Variants in KCNQ1OT1 observed in about 807,000 individuals in gnomAD.
KCNQ1OT1 encodes KCNQ1 opposite strand/antisense transcript 1, also known as KCNQ1 antisense RNA 2 (non-protein coding).
chr11:2,643,517 A>G (rs1038948339), exon 1 of KCNQ1OT1: 3 of 398,350 alleles, frequency 7.5e-6, no homozygotes, highest in African/African-American at 6.2e-5. Context: ...ATCTTTTCCC[A>G]TTCCTTTCTT....
At chr11:2,680,185 C>T (rs1300569515) in exon 1 of KCNQ1OT1, 1 of 395,260 alleles carries the variant, frequency 2.5e-6, no homozygotes, top group Admixed American at 4.5e-5. Flanking sequence ...AGCCAATGCA[C>T]CTGGCCTCAG....
exon 1 of KCNQ1OT1, chr11:2,655,081 T>C: frequency 2.5e-6 from 1 of 398,662 alleles, no homozygotes; most frequent in Non-Finnish European, 4.4e-6. Context: ...TCTGTGCCTG[T>C]ATTTTTAAAA....
chr11:2,657,235 C>T lies in KCNQ1OT1; in HGVS notation n.42760G>A, dbSNP rs1462563887. 2.5e-6 allele frequency: 1 copy of T among 398,520 alleles called. No individual in the cohort carries two copies. Among genetic ancestry groups the T allele is most frequent in the Non-Finnish European group, 4.4e-6 (1 of 226,078 alleles). The allele number at this position is 398,520 out of a possible 1,614,324, so 24.7% of individuals were successfully genotyped here. Reference sequence around the variant, plus strand: ...ACTTCCAAGTCGCAGTTAGAATCAGCTTGCCAAAGTTCTCACACAGAAGCC... The same window carrying T: ...ACTTCCAAGTCGCAGTTAGAATCAGTTTGCCAAAGTTCTCACACAGAAGCC... On this transcript the variant is annotated non_coding_transcript_exon_variant, in exon 1 of 1. Coordinates refer to ENST00000597346, the Ensembl canonical transcript of KCNQ1OT1. The surrounding 1 kb of genome is among the most constrained non-coding windows in gnomAD (Gnocchi z 4.8).
At position 2,687,754 on chromosome 11, in the gene KCNQ1OT1, AGAG is replaced by A. The variant is rs1454359613; in HGVS notation, n.12238_12240del. The A allele has an allele frequency of 5.0e-6, 2 of 398,558 alleles. No individual in the cohort carries two copies. The highest frequency in any genetic ancestry group is 2.1e-5 in the African/African-American group (1 of 48,638). The allele number at this position is 398,558 out of a possible 1,614,324, so 24.7% of individuals were successfully genotyped here. ...CCAGCAAATCATGGGGAGACTGAGA[AGAG>A]GAGCCCCTTAGCAGGCCTAACCACA... On this transcript the variant is annotated non_coding_transcript_exon_variant, in exon 1 of 1. Transcript: ENST00000597346. The surrounding 1 kb of genome is among the most constrained non-coding windows in gnomAD (Gnocchi z 5.0).
At chr11:2,610,427 C>T (rs1426381621) in exon 1 of KCNQ1OT1, 4 of 398,212 alleles carry the variant, frequency 1.0e-5, no homozygotes, top group South Asian at 1.3e-4. Context: ...TTATTAACCT[C>T]CTTATATCAT....
chr11:2,622,340 T>C (rs1240801676), exon 1 of KCNQ1OT1: 1 of 398,342 alleles, frequency 2.5e-6, no homozygotes, highest in African/African-American at 2.1e-5. Flanking sequence ...AATTCAAGTT[T>C]ATTTCTTTTA....
chr11:2,696,865 A>G, exon 1 of KCNQ1OT1: 2 of 398,554 alleles, frequency 5.0e-6, no homozygotes, highest in Non-Finnish European at 8.8e-6. Flanking sequence ...TGCTATTGGC[A>G]TAAAGAAATG....
At chr11:2,655,536 T>C (rs1395238132) in exon 1 of KCNQ1OT1, 1 of 398,562 alleles carries the variant, frequency 2.5e-6, no homozygotes, top group Non-Finnish European at 4.4e-6. Flanking sequence ...CTCAACCTTC[T>C]CTGCAGCTGT....
chr11:2,614,826 G>C (rs915467721), exon 1 of KCNQ1OT1: 13 of 398,326 alleles, frequency 3.3e-5, no homozygotes, highest in African/African-American at 2.7e-4. Flanking sequence ...TGGCAGGCCT[G>C]AGTCTTCCAA....
At chr11:2,688,178 CCAA>C in exon 1 of KCNQ1OT1, 1 of 398,772 alleles carries the variant, frequency 2.5e-6, no homozygotes, top group Non-Finnish European at 4.4e-6. Flanking sequence ...CAGACAGCTC[CCAA>C]GCAAGGGGGC....
At chr11:2,618,049 A>G in exon 1 of KCNQ1OT1, 1 of 398,436 alleles carries the variant, frequency 2.5e-6, no homozygotes, top group Non-Finnish European at 4.4e-6. Flanking sequence ...TGGTATACCA[A>G]TTATTTGTTT....
In KCNQ1OT1 at chr11:2,677,991, T is replaced by A; in HGVS notation, n.22004A>T. ...TACATTTCTTTTGTTGGAAATGAGG[T>A]TTTTATCTTTCCAAATGCTTAAAAT... On this transcript the variant is annotated non_coding_transcript_exon_variant, in exon 1 of 1. Transcript: ENST00000597346. This position sits in a 1 kb window ranked among gnomAD's most constrained non-coding sequence, Gnocchi z 4.5. 2.5e-6 allele frequency: 1 copy of A among 392,812 alleles called. No homozygotes were observed. The highest frequency in any genetic ancestry group is 3.6e-5 in the East Asian group (1 of 27,608). 24.3% of individuals were successfully genotyped at this position (392,812 alleles called of 1,614,324 possible).
In KCNQ1OT1 at chr11:2,695,838, T is replaced by C; in HGVS notation, n.4157A>G. On this transcript the variant is annotated non_coding_transcript_exon_variant, in exon 1 of 1. Coordinates refer to ENST00000597346, the Ensembl canonical transcript of KCNQ1OT1. The surrounding 1 kb of genome is among the most constrained non-coding windows in gnomAD (Gnocchi z 5.2). Reference sequence around the variant, plus strand: ...TCATTTACATTTCTCTGATAACTGATTAGCTTGGGCAAATTTTCATCTGTT... The same window carrying C: ...TCATTTACATTTCTCTGATAACTGACTAGCTTGGGCAAATTTTCATCTGTT... The C allele has an allele frequency of 2.5e-6, 1 of 398,644 alleles. No individual in the cohort carries two copies. The highest frequency in any genetic ancestry group is 4.4e-6 in the Non-Finnish European group (1 of 226,078). The allele number at this position is 398,644 out of a possible 1,614,324, so 24.7% of individuals were successfully genotyped here.
At chr11:2,636,984 T>C (rs1448066562) in exon 1 of KCNQ1OT1, 2 of 152,230 alleles carry the variant, frequency 1.3e-5, no homozygotes, top group South Asian at 2.1e-4. Context: ...GAGGTGTTTA[T>C]AGTATTCTCT....
exon 1 of KCNQ1OT1, chr11:2,615,862 T>C (rs900066280): frequency 1.0e-5 from 4 of 398,000 alleles, no homozygotes; most frequent in Non-Finnish European, 1.8e-5. Flanking sequence ...TTGGAATCCA[T>C]GTAATACTGG....
chr11:2,619,222 A>G (rs991779615), exon 1 of KCNQ1OT1: 2 of 398,512 alleles, frequency 5.0e-6, no homozygotes, highest in Non-Finnish European at 8.8e-6. Flanking sequence ...GTTGAGTAGT[A>G]GTAGCTAGAG....
chr11:2,655,940 C>G (rs1300693748), exon 1 of KCNQ1OT1: 1 of 398,592 alleles, frequency 2.5e-6, no homozygotes. Context: ...AGCACACATT[C>G]CTCTCTGGCA....
At chr11:2,643,765 T>C (rs1339635920) in exon 1 of KCNQ1OT1, 6 of 398,484 alleles carry the variant, frequency 1.5e-5, no homozygotes, top group African/African-American at 6.2e-5. Flanking sequence ...TAAGCATTTT[T>C]TGTAGTGCCA....
chr11:2,662,771 T>A lies in KCNQ1OT1; in HGVS notation n.37224A>T, dbSNP rs879017532. 2.0e-5 allele frequency: 8 copies of A among 399,060 alleles called. No individual in the cohort carries two copies. The Admixed American group carries it at 3.5e-4, about 18-fold the overall frequency. The allele number at this position is 399,060 out of a possible 1,614,324, so 24.7% of individuals were successfully genotyped here. On this transcript the variant is annotated non_coding_transcript_exon_variant, in exon 1 of 1. Coordinates refer to ENST00000597346, the Ensembl canonical transcript of KCNQ1OT1. ...TTCTGGCTGCTAACCCGTTGGGGAT[T>A]CCCCTTGATAAATGTCTTTGTGTCA...
Sources: allele counts gnomAD v4.1 joint callset, GRCh38; gene constraint gnomAD v4.1.1; non-coding constraint Gnocchi (gnomAD v3.1); transcripts MANE v1.5; gene names NCBI Gene and HGNC (gene_info 2026-07-23, HGNC 2026-07-21).